The following IKZF1 variants were observed in gnomAD, a reference collection of about 807,000 sequenced individuals.
IKZF1 encodes the protein IKAROS family zinc finger 1, also known as DNA-binding protein Ikaros.
IKZF1 carries 10 observed loss-of-function variants against 51.7 expected under a neutral mutation model. That is an observed-to-expected ratio of 0.19 (90% CI 0.12 to 0.33). The LOEUF (loss-of-function observed/expected upper bound fraction) is 0.33, where lower values mean the gene tolerates loss of function less well. Among genes scored for constraint, IKZF1 ranks in the 10% least tolerant of loss-of-function variants. The pLI is 1.00. For missense variants in IKZF1, 484 were observed against 707.5 expected (o/e 0.68, Z 3.58); for synonymous variants, 280 against 282.3 (o/e 0.99, Z 0.08).
chr7:50,339,521 C>T (rs1798581420), intron 3 of IKZF1, among the ~76,000 whole-genome samples: 1 of 151,834 alleles, frequency 6.6e-6, no homozygotes, highest in Non-Finnish European at 1.5e-5. Flanking sequence ...GAGGCCGAGG[C>T]AGGCAGATCA....
chr7:50,369,699 A>T (rs1167536114), intron 3 of IKZF1: 1 of 395,102 alleles, frequency 2.5e-6, no homozygotes, highest in African/African-American at 2.1e-5. Context: ...AACCCCTTTC[A>T]CCCCCTCTAC....
At chr7:50,327,546 T>C in intron 2 of IKZF1, 92 bp from the exon 3 acceptor site, 1 of 1,449,476 alleles carries the variant, frequency 6.9e-7, no homozygotes, top group Non-Finnish European at 9.2e-7. Context: ...AGTACCTGCC[T>C]CCTCATGCCA....
intron 2 of IKZF1, among the ~76,000 whole-genome samples, chr7:50,323,223 A>T (rs1793905632): frequency 6.6e-6 from 1 of 152,202 alleles, no homozygotes; most frequent in South Asian, 2.1e-4. Flanking sequence ...ACCTGCAGGG[A>T]GCTGAGACAC....
At chr7:50,364,364 G>A (rs1806187655) in intron 3 of IKZF1, among the ~76,000 whole-genome samples, 1 of 152,256 alleles carries the variant, frequency 6.6e-6, no homozygotes. Context: ...GTGCCTGAGA[G>A]TTTGGGGAAT....
chr7:50,312,397 C>A (rs1790412155), intron 1 of IKZF1, among the ~76,000 whole-genome samples: 1 of 152,200 alleles, frequency 6.6e-6, no homozygotes, highest in African/African-American at 2.4e-5. Context: ...AGAGACAATA[C>A]AATATGCCTG....
chr7:50,393,658 G>T (rs763994380), intron 7 of IKZF1, among the ~76,000 whole-genome samples: 1 of 152,226 alleles, frequency 6.6e-6, no homozygotes, highest in South Asian at 2.1e-4. Flanking sequence ...CCATGAGAAC[G>T]AGGGAGGCCT....
intron 1 of IKZF1, among the ~76,000 whole-genome samples, chr7:50,309,517 A>G (rs1205132010): frequency 1.3e-5 from 2 of 152,060 alleles, no homozygotes; most frequent in Admixed American, 1.3e-4. Context: ...GACTGCCAAA[A>G]CACTAAGAAC....
rs1818249522 is a variant in IKZF1 at position 50,402,185 on chromosome 7, G to A, written c.*1558G>A. The A allele has an allele frequency of 4.3e-6, 1 of 230,368 alleles. No individual in the cohort carries two copies. Among genetic ancestry groups the A allele is most frequent in the African/African-American group, 2.2e-5 (1 of 45,138 alleles). 14.3% of individuals were successfully genotyped at this position (230,368 alleles called of 1,614,324 possible). A position where few individuals can be genotyped will look rare whatever the true frequency, so the allele number is the denominator to read the frequency against. On this transcript the variant is annotated 3_prime_UTR_variant, in exon 8 of 8. Transcript: ENST00000331340. Reference sequence around the variant, plus strand: ...AAGGTCATTACTCTCAACCACCTAGGCAATGAAGAATATACCATTTCAAAT... The same window carrying A: ...AAGGTCATTACTCTCAACCACCTAGACAATGAAGAATATACCATTTCAAAT...
chr7:50,341,124 T>A, intron 3 of IKZF1, among the ~76,000 whole-genome samples: 1 of 150,462 alleles, frequency 6.6e-6, no homozygotes, highest in Non-Finnish European at 1.5e-5. Context: ...GCACACATAT[T>A]TTAAATGTTG....
chr7:50,311,642 G>A (rs1296088951), intron 1 of IKZF1, among the ~76,000 whole-genome samples: 1 of 152,196 alleles, frequency 6.6e-6, no homozygotes, highest in Non-Finnish European at 1.5e-5. Context: ...TGGCTTTGCA[G>A]AAACTTCAGT....
chr7:50,349,488 G>A (rs748276939), intron 3 of IKZF1, among the ~76,000 whole-genome samples: 1 of 152,336 alleles, frequency 6.6e-6, no homozygotes, highest in South Asian at 2.1e-4. Flanking sequence ...ATGGGGAAAA[G>A]GAACAGGGAG....
chr7:50,370,319 A>C (rs1054525891), intron 3 of IKZF1, among the ~76,000 whole-genome samples: 3 of 152,236 alleles, frequency 2.0e-5, no homozygotes, highest in African/African-American at 7.2e-5. Flanking sequence ...TTCATTGGTC[A>C]GGTGGGGACT....
intron 7 of IKZF1, among the ~76,000 whole-genome samples, chr7:50,395,005 C>T (rs1488192096): frequency 6.6e-6 from 1 of 152,140 alleles, no homozygotes; most frequent in Non-Finnish European, 1.5e-5. Flanking sequence ...ACCAATATTC[C>T]TGCTACCCAT....
At chr7:50,370,480 A>G (rs1808332839) in intron 3 of IKZF1, among the ~76,000 whole-genome samples, 1 of 152,218 alleles carries the variant, frequency 6.6e-6, no homozygotes, top group African/African-American at 2.4e-5. Flanking sequence ...TCTATCTACC[A>G]AAGTCCACCT....
At chr7:50,381,381 T>C (rs1030000993) in intron 4 of IKZF1, among the ~76,000 whole-genome samples, 2 of 152,232 alleles carry the variant, frequency 1.3e-5, no homozygotes, top group African/African-American at 4.8e-5. Flanking sequence ...GCATTCTTCT[T>C]CTAAATAAAG....
At chr7:50,325,278 C>CCA (rs1794632580) in intron 2 of IKZF1, among the ~76,000 whole-genome samples, 2 of 93,658 alleles carry the variant, frequency 2.1e-5, no homozygotes, top group African/African-American at 8.6e-5. Flanking sequence ...CCGCTGCCAC[C>CCA]AAAAAAAAAA....
At chr7:50,398,450 CTTG>C (rs1034768965) in intron 7 of IKZF1, among the ~76,000 whole-genome samples, 12 of 152,328 alleles carry the variant, frequency 7.9e-5, no homozygotes, top group African/African-American at 2.9e-4. Flanking sequence ...AACTTTCCTT[CTTG>C]TTGTCCCCAA....
intron 2 of IKZF1, among the ~76,000 whole-genome samples, chr7:50,325,096 C>T (rs1457052922): frequency 6.6e-6 from 1 of 152,074 alleles, no homozygotes; most frequent in Non-Finnish European, 1.5e-5. Flanking sequence ...CAGAAGGCTC[C>T]ATGGTCATTT....
chr7:50,334,813 T>TGG (rs1158055067), intron 3 of IKZF1, among the ~76,000 whole-genome samples: 2 of 151,006 alleles, frequency 1.3e-5, no homozygotes, highest in East Asian at 3.9e-4. Context: ...GCATGATGTG[T>TGG]GGTGGATATG....
Sources: allele counts gnomAD v4.1 joint callset (sites outside exome capture counted in the v4.1 genomes callset), GRCh38; gene constraint gnomAD v4.1.1; transcripts MANE v1.5; gene names NCBI Gene and HGNC (gene_info 2026-07-23, HGNC 2026-07-21).